PEBP4: variants seen among roughly 807,000 people sequenced by gnomAD.
PEBP4 encodes phosphatidylethanolamine binding protein 4.
Under a neutral mutation model 23.9 loss-of-function variants are expected in PEBP4, and 22 were observed. The observed-to-expected ratio is 0.92, with a 90% CI of 0.66 to 1.31. The LOEUF (loss-of-function observed/expected upper bound fraction) is 1.31. Ranked by LOEUF, PEBP4 falls within the 40% of genes most tolerant of loss-of-function variation. PEBP4 has a pLI of 0.00. For missense variants in PEBP4, 324 were observed against 281.7 expected, an observed-to-expected ratio of 1.15 and a Z score of -1.07; for synonymous variants, 112 against 99.3, an observed-to-expected ratio of 1.13 and a Z score of -0.76.
intron 3 of PEBP4, among the ~76,000 whole-genome samples, chr8:22,910,360 T>G (rs1268630277): frequency 6.6e-6 from 1 of 152,252 alleles, no homozygotes; most frequent in Non-Finnish European, 1.5e-5. Flanking sequence ...ACGGCACGCA[T>G]CTCCCTGCGT....
chr8:22,802,888 T>C lies in PEBP4; in HGVS notation c.357+14749A>G, dbSNP rs1192074265. Among the ~76,000 whole-genome samples the C allele has an allele frequency of 2.0e-5, 3 of 152,212 alleles. No individual in the cohort carries two copies. The East Asian group carries it at 5.8e-4, about 29-fold the overall frequency. ...AGAGCCTGGTGTTATCATCAAAATC[T>C]ACCTCCCTGTTTCTGTTTGTAGGTG... On this transcript the variant is annotated intron_variant, in intron 4 of 6. Transcript: ENST00000256404.
chr8:22,729,797 G>A (rs1029583375), intron 4 of PEBP4, among the ~76,000 whole-genome samples: 6 of 152,204 alleles, frequency 3.9e-5, no homozygotes, highest in Admixed American at 3.3e-4. Flanking sequence ...CCTGGTGGAG[G>A]AGGGTGGAGG....
intron 3 of PEBP4, among the ~76,000 whole-genome samples, chr8:22,833,969 C>G (rs1807145749): frequency 2.0e-5 from 3 of 152,162 alleles, no homozygotes; most frequent in African/African-American, 7.2e-5. Flanking sequence ...TGACTACAAC[C>G]CAGATTTCTC....
chr8:22,918,703 A>G (rs2128780408), intron 3 of PEBP4, among the ~76,000 whole-genome samples: 1 of 152,294 alleles, frequency 6.6e-6, no homozygotes, highest in Non-Finnish European at 1.5e-5. Context: ...ACCCCAAGAC[A>G]AGTGAATGGA....
chr8:22,751,910 T>G (rs188707656), intron 4 of PEBP4, among the ~76,000 whole-genome samples: 217 of 152,220 alleles, frequency 1.4e-3, no homozygotes, highest in African/African-American at 5.0e-3. Flanking sequence ...TTTTGTTTCT[T>G]TTTTGAGGCA....
intron 4 of PEBP4, among the ~76,000 whole-genome samples, chr8:22,791,097 C>T (rs919098781): frequency 6.6e-6 from 1 of 152,034 alleles, no homozygotes; most frequent in Non-Finnish European, 1.5e-5. Flanking sequence ...GCACCATTGC[C>T]CTAAAGGGCT....
chr8:22,830,692 A>T (rs1807067961), intron 3 of PEBP4, among the ~76,000 whole-genome samples: 1 of 151,932 alleles, frequency 6.6e-6, no homozygotes, highest in African/African-American at 2.4e-5. Context: ...CATCTTTACC[A>T]TGTTCCTCCC....
At chr8:22,919,608 C>A (rs535422952) in intron 3 of PEBP4, among the ~76,000 whole-genome samples, 35 of 152,346 alleles carry the variant, frequency 2.3e-4, no homozygotes, top group Non-Finnish European at 4.4e-4. Context: ...ATAGTTATTT[C>A]CAGTTCCTAA....
intron 3 of PEBP4, among the ~76,000 whole-genome samples, chr8:22,879,854 G>A (rs1343326832): frequency 6.6e-6 from 1 of 152,170 alleles, no homozygotes; most frequent in Non-Finnish European, 1.5e-5. Flanking sequence ...CTCTTCCACA[G>A]AAGAAAAAAA....
chr8:22,824,884 C>A (rs2128763065), intron 3 of PEBP4, among the ~76,000 whole-genome samples: 1 of 152,312 alleles, frequency 6.6e-6, no homozygotes, highest in Non-Finnish European at 1.5e-5. Flanking sequence ...CCACCATTTA[C>A]CTCCTGCTGT....
intron 3 of PEBP4, among the ~76,000 whole-genome samples, chr8:22,902,908 T>C (rs576106011): frequency 1.3e-5 from 2 of 152,166 alleles, no homozygotes; most frequent in Non-Finnish European, 2.9e-5. Context: ...TCCTGCAGCA[T>C]AGCCTTGCGT....
intron 4 of PEBP4, among the ~76,000 whole-genome samples, chr8:22,790,786 A>G (rs1806121702): frequency 6.6e-6 from 1 of 152,228 alleles, no homozygotes; most frequent in Non-Finnish European, 1.5e-5. Context: ...CAAATATCAT[A>G]TAAAAAGGGC....
At chr8:22,749,408 G>A (rs553510201) in intron 4 of PEBP4, among the ~76,000 whole-genome samples, 6 of 152,252 alleles carry the variant, frequency 3.9e-5, no homozygotes, top group Admixed American at 2.6e-4. Flanking sequence ...CTGTCTTCCC[G>A]GGCTCACGGC....
Position 22,789,518 on chromosome 8 carries a change from T to C in PEBP4, c.357+28119A>G, listed in dbSNP as rs559931278. Among the ~76,000 whole-genome samples the C allele has an allele frequency of 1.1e-4, 17 of 152,266 alleles. No homozygotes were observed. The South Asian group carries it at 2.7e-3, about 24-fold the overall frequency. On this transcript the variant is annotated intron_variant, in intron 4 of 6. Transcript: ENST00000256404. ...GAGGTGACTCTATTCCTAAGCCCCCTGAGGTGGGGCTGTGGGCTCCTCCCT... is the reference window on the plus strand; with the variant it reads ...GAGGTGACTCTATTCCTAAGCCCCCCGAGGTGGGGCTGTGGGCTCCTCCCT...
At chr8:22,916,154 T>C (rs1161610420) in intron 3 of PEBP4, among the ~76,000 whole-genome samples, 4 of 152,182 alleles carry the variant, frequency 2.6e-5, no homozygotes, top group Non-Finnish European at 5.9e-5. Context: ...CAGCCTTTTG[T>C]TCCCTCCCTG....
intron 2 of PEBP4, among the ~76,000 whole-genome samples, chr8:22,922,187 C>A (rs554335275): frequency 1.3e-5 from 2 of 152,130 alleles, no homozygotes; most frequent in African/African-American, 4.8e-5. Flanking sequence ...GCCAGGCCAG[C>A]GTTTGAACAT....
intron 6 of PEBP4, among the ~76,000 whole-genome samples, chr8:22,720,967 G>A (rs190438660): frequency 2.2e-4 from 33 of 152,320 alleles, no homozygotes; most frequent in Admixed American, 6.5e-5. Context: ...TATGCCAGGC[G>A]TGGTTTGAAA....
intron 4 of PEBP4, chr8:22,756,091 C>T (rs922271974): frequency 2.0e-5 from 3 of 152,228 alleles, no homozygotes; most frequent in Non-Finnish European, 2.9e-5. Flanking sequence ...TACTGAGCTG[C>T]CCTGAGCTGA....
At chr8:22,735,645 A>T (rs1804845005) in intron 4 of PEBP4, among the ~76,000 whole-genome samples, 1 of 152,176 alleles carries the variant, frequency 6.6e-6, no homozygotes, top group South Asian at 2.1e-4. Context: ...CTCTTCTCCA[A>T]ATGATCAGTA....
Sources: gnomAD v4.1 joint callset for allele counts (sites outside exome capture counted in the v4.1 genomes callset) on GRCh38, gnomAD v4.1.1 for gene constraint, MANE v1.5 for transcripts, NCBI Gene and HGNC (gene_info 2026-07-23, HGNC 2026-07-21) for gene names.